The following CUZD1 variants were observed in gnomAD, a reference collection of about 807,000 sequenced individuals.
CUZD1 encodes the protein CUB and zona pellucida-like domain-containing protein 1.
Under a neutral mutation model 53.1 loss-of-function variants are expected in CUZD1, and 42 were observed. The observed-to-expected ratio is 0.79, with a 90% confidence interval of 0.62 to 1.02. The LOEUF (loss-of-function observed/expected upper bound fraction) is 1.02. Among genes scored for constraint, CUZD1 ranks in the 50% least tolerant of loss-of-function variants. The probability of loss-of-function intolerance (pLI) is 0.00; values close to 1 mark genes in which losing one functional copy is unlikely to be tolerated. For missense variants in CUZD1, 670 were observed against 715.7 expected, an observed-to-expected ratio of 0.94 and a Z score of 0.73; for synonymous variants, 238 against 257.2, an observed-to-expected ratio of 0.93 and a Z score of 0.71.
rs371762979 is a variant in CUZD1, at chr10:122,837,057, T to G, written c.600-9A>C. 6.4e-7 allele frequency: 1 copy of G among 1,573,462 alleles called. No homozygotes were observed. Among genetic ancestry groups the G allele is most frequent in the Non-Finnish European group, 8.7e-7 (1 of 1,146,142 alleles). On this transcript the variant is annotated splice_polypyrimidine_tract_variant and intron_variant, in intron 4 of 8. Transcript: ENST00000392790. ...GTTTGTCTATTTCTAGGCTAGAGAA[T>G]GAGGGCCTCTGGTGAAAAAGAGTTT...
At chr10:122,845,626 C>A in intron 1 of CUZD1, 136 bp downstream of exon 1, 5 of 583,580 alleles carry the variant, frequency 8.6e-6, no homozygotes, top group South Asian at 2.6e-5. Context: ...ATTTAAAATC[C>A]CCTCCAAGAG....
intron 1 of CUZD1, among the ~76,000 whole-genome samples, chr10:122,844,044 G>GAGA (rs1566239384): frequency 6.7e-6 from 1 of 148,740 alleles, no homozygotes; most frequent in South Asian, 2.1e-4. Flanking sequence ...ATAGAGAGAG[G>GAGA]GACAGACAGA....
Position 122,837,628 on chromosome 10 carries a change from G to A in CUZD1, c.449-74C>T, listed in dbSNP as rs2133814631. 4 of 1,353,178 alleles carry A rather than the reference G, an allele frequency of 3.0e-6. No homozygotes were observed. The East Asian group carries it at 9.5e-5, about 32-fold the overall frequency. 83.8% of individuals were successfully genotyped at this position (1,353,178 alleles called of 1,614,324 possible). ...GCTTTTAATTTCTGTGTTGTGCATT[G>A]AGCTTAACACATCTCTCCTGAGTAT... On this transcript the variant is annotated intron_variant, in intron 3 of 8. Transcript: ENST00000392790.
At chr10:122,839,259 A>G in intron 2 of CUZD1, 28 bp from the exon 3 acceptor site, 1 of 1,604,218 alleles carries the variant, frequency 6.2e-7, no homozygotes, top group Non-Finnish European at 8.5e-7. Flanking sequence ...CTGTGGCTGA[A>G]GAAGTGTCAC....
rs1332785294 is a variant in CUZD1 at position 122,832,554 on chromosome 10, T to A, written c.1652-104A>T. On this transcript the variant is annotated intron_variant, in intron 8 of 8. Coordinates refer to ENST00000392790, the MANE Select transcript of CUZD1 (RefSeq NM_022034.6). The stretch of plus-strand genomic sequence containing the variant: ...GTACATATCCTATGAATCTTATATA[T>A]GAATTAATGTATAATGCATAATGCC... The A allele has an allele frequency of 4.6e-6, 4 of 874,172 alleles. No individual in the cohort carries two copies. In the African/African-American group the frequency reaches 6.8e-5, roughly 15 times the overall value. The allele number at this position is 874,172 out of a possible 1,614,324, so 54.2% of individuals were successfully genotyped here.
rs542928355 is a variant in CUZD1, at chr10:122,835,778, G to GT, written c.990+399dup. Among the ~76,000 whole-genome samples, 1,329 of 150,964 alleles carry GT rather than the reference G, an allele frequency of 8.8e-3. 8 individuals are homozygous for GT. Among genetic ancestry groups the GT allele is most frequent in the Non-Finnish European group, 0.012 (809 of 67,654 alleles). On this transcript the variant is annotated intron_variant, in intron 6 of 8. Transcript: ENST00000392790. ...CATGTTTAAATGGGTTTTTTTAAATGTTTTTTTTTCCTGTCTTTAAAAGGA... is the reference window on the plus strand; with the variant it reads ...CATGTTTAAATGGGTTTTTTTAAATGTTTTTTTTTTCCTGTCTTTAAAAGGA...
intron 1 of CUZD1, among the ~76,000 whole-genome samples, chr10:122,841,873 G>C (rs1373643647): frequency 2.0e-5 from 3 of 152,096 alleles, no homozygotes; most frequent in Non-Finnish European, 4.4e-5. Flanking sequence ...AATGGCTAAT[G>C]ACATTGAACA....
intron 3 of CUZD1, among the ~76,000 whole-genome samples, chr10:122,838,673 T>C (rs1847290397): frequency 6.6e-6 from 1 of 152,186 alleles, no homozygotes; most frequent in East Asian, 1.9e-4. Context: ...ACAGGCTGAA[T>C]GCAGAATCTC....
At position 122,845,639 on chromosome 10, in the gene CUZD1, T is replaced by C. The variant is rs944950396; in HGVS notation, c.82+123A>G. ...TAATTTAAAATCCCCTCCAAGAGCA[T>C]TAGAGTACATTTTTCTCTGAACTGG... On this transcript the variant is annotated intron_variant, in intron 1 of 8. Transcript: ENST00000392790. 1.7e-5 allele frequency: 11 copies of C among 657,838 alleles called. 1 individual carries two copies. Among genetic ancestry groups the C allele is most frequent in the South Asian group, 8.2e-5 (4 of 48,894 alleles). 40.8% of individuals were successfully genotyped at this position (657,838 alleles called of 1,614,324 possible). A position where few individuals can be genotyped will look rare whatever the true frequency, so the allele number is the denominator to read the frequency against.
At position 122,837,035 on chromosome 10, in the gene CUZD1, T is replaced by C; in HGVS notation, c.613A>G (p.Lys205Glu). Residue 205 changes from lysine (K) to glutamate (E), a missense_variant, in exon 5 of 9, where the codon AAA becomes GAA. By Grantham distance (56) the Lys-to-Glu change is moderately conservative (BLOSUM62 1). Transcript: ENST00000392790. ...NFKEIFLEID[K>E]QCKFDFLAIY... ...GCAAGAAAATCAAATTTGCACTGTT[T>C]GTCTATTTCTAGGCTAGAGAATGAG... is the stretch of plus-strand genomic sequence containing the variant. 1.2e-6 allele frequency: 2 copies of C among 1,611,906 alleles called. No homozygotes were observed. Among genetic ancestry groups the C allele is most frequent in the Non-Finnish European group, 1.7e-6 (2 of 1,178,350 alleles).
chr10:122,845,726 CT>C, intron 1 of CUZD1, 35 bp downstream of exon 1: 3 of 1,592,026 alleles, frequency 1.9e-6, no homozygotes, highest in Non-Finnish European at 2.6e-6. Context: ...AAGAACTTCT[CT>C]GTTTTGGTGA....
intron 1 of CUZD1, among the ~76,000 whole-genome samples, chr10:122,843,236 C>T (rs2133818533): frequency 6.6e-6 from 1 of 152,258 alleles, no homozygotes; most frequent in Admixed American, 6.5e-5. Context: ...TCTATCCATA[C>T]ATTGGAATAT....
At chr10:122,840,916 C>T (rs1474749962) in intron 2 of CUZD1, among the ~76,000 whole-genome samples, 1 of 152,134 alleles carries the variant, frequency 6.6e-6, no homozygotes, top group South Asian at 2.1e-4. Flanking sequence ...TTTGTGTGAC[C>T]TCAGACAAGT....
Position 122,841,185 on chromosome 10 carries a change from A to C in CUZD1, c.226T>G (p.Tyr76Asp). The part of the protein sequence containing the change: ...ENKSIRIIFS[Y>D]VQLDPDGSCE... Reference sequence around the variant, plus strand: ...ACTAAAGCTTCTACTTACTGGACATAGGAAAAGATAATTCTGATGCTTTTG... The same window carrying C: ...ACTAAAGCTTCTACTTACTGGACATCGGAAAAGATAATTCTGATGCTTTTG... Residue 76 changes from tyrosine to aspartate, a missense_variant, in exon 2 of 9, where the codon TAT (tyrosine) becomes GAT (aspartate). By Grantham distance (160) the Tyr-to-Asp change is radical. Coordinates refer to ENST00000392790, the MANE Select transcript of CUZD1 (RefSeq NM_022034.6). 6.2e-7 allele frequency: 1 copy of C among 1,612,836 alleles called. No individual in the cohort carries two copies. Among genetic ancestry groups the C allele is most frequent in the Non-Finnish European group, 8.5e-7 (1 of 1,179,384 alleles).
chr10:122,837,092 T>A, intron 4 of CUZD1, 44 bp from the exon 5 acceptor site: 1 of 1,364,268 alleles, frequency 7.3e-7, no homozygotes, highest in Non-Finnish European at 1.0e-6. Flanking sequence ...TCAAACCAAT[T>A]CAATTCTATT....
At position 122,833,740 on chromosome 10, in the gene CUZD1, T is replaced by G. The variant is rs376827093; in HGVS notation, c.1583A>C (p.Lys528Thr). Reference protein sequence around the residue: ...SRSKRDISSYKWKTDSIIGPI... With the variant: ...SRSKRDISSYTWKTDSIIGPI... ...TCCTATGATGGAATCTGTTTTCCATTTATATGAAGAAATGTCTCGTTTGCT... is the reference window on the plus strand; with the variant it reads ...TCCTATGATGGAATCTGTTTTCCATGTATATGAAGAAATGTCTCGTTTGCT... The change falls in exon 8 of 9, where the codon AAA (lysine) becomes ACA (threonine). Residue 528 changes from lysine to threonine, a missense_variant. Physicochemically the swap from Lys to Thr is moderately conservative, Grantham distance 78. Coordinates refer to ENST00000392790, the MANE Select transcript of CUZD1 (RefSeq NM_022034.6). The G allele has an allele frequency of 5.0e-6, 8 of 1,613,862 alleles. No homozygotes were observed. Among genetic ancestry groups the G allele is most frequent in the Non-Finnish European group, 6.8e-6 (8 of 1,179,964 alleles).
At position 122,841,241 on chromosome 10, in the gene CUZD1, T is replaced by C; in HGVS notation, c.170A>G (p.Asn57Ser). The part of the protein sequence containing the change: ...AMILQLNPSE[N>S]CTWTIERPEN... The stretch of plus-strand genomic sequence containing the variant: ...TGGTCTTTCTATTGTCCAGGTGCAG[T>C]TCTCACTGGGATTGAGTTGCAGGAT... The change falls in exon 2 of 9, where the codon AAC (asparagine) becomes AGC (serine). Residue 57 changes from asparagine to serine, a missense_variant. Transcript: ENST00000392790. The C allele has an allele frequency of 6.2e-7, 1 of 1,614,100 alleles. No homozygotes were observed. Among genetic ancestry groups the C allele is most frequent in the Non-Finnish European group, 8.5e-7 (1 of 1,179,956 alleles).
In CUZD1 at chr10:122,841,302, C is replaced by T; in HGVS notation, c.109G>A (p.Gly37Arg). ...TGGGTCTCTGCCATATTGGCACCCC[C>T]TAGACTGACTGTGCAGCTTGCATTG... is the stretch of plus-strand genomic sequence containing the variant. ...EGNASCTVSL[G>R]GANMAETHKA... Residue 37 changes from glycine to arginine, a missense_variant, in exon 2 of 9, where the codon GGG becomes AGG. Physicochemically the swap from Gly to Arg is moderately radical, Grantham distance 125 (BLOSUM62 -2). Coordinates refer to ENST00000392790, the MANE Select transcript of CUZD1 (RefSeq NM_022034.6). 1 of 1,611,442 alleles carries T rather than the reference C, an allele frequency of 6.2e-7. No homozygotes were observed. The highest frequency in any genetic ancestry group is 8.5e-7 in the Non-Finnish European group (1 of 1,178,892).
chr10:122,839,277 G>A (rs761100887), intron 2 of CUZD1, 46 bp from the exon 3 acceptor site: 2 of 1,567,588 alleles, frequency 1.3e-6, no homozygotes, highest in African/African-American at 2.7e-5. Context: ...CACAAGCAAA[G>A]GGGGTTTGCA....
Sources: allele counts gnomAD v4.1 joint callset (sites outside exome capture counted in the v4.1 genomes callset), GRCh38; gene constraint gnomAD v4.1.1; transcripts MANE v1.5; gene names NCBI Gene and HGNC (gene_info 2026-07-23, HGNC 2026-07-21).